ARHGEF4: variants seen among roughly 807,000 people sequenced by gnomAD.
ARHGEF4 encodes the protein Rho guanine nucleotide exchange factor 4, also known as APC-stimulated guanine nucleotide exchange factor 1.
A neutral mutation model predicts 162.0 loss-of-function variants in ARHGEF4; 119 were observed. The ratio of observed to expected loss-of-function variants is 0.73; its 90% confidence interval spans 0.63 to 0.86. The LOEUF (loss-of-function observed/expected upper bound fraction) is 0.86, where lower values mean the gene tolerates loss of function less well. Ranked by LOEUF, ARHGEF4 falls within the 40% of genes least tolerant of loss-of-function variation. The pLI is 0.00. For missense variants in ARHGEF4, 2,488 were observed against 2,456.0 expected (o/e 1.01, Z -0.28); for synonymous variants, 1,014 against 979.9 (o/e 1.03, Z -0.65).
At chr2:131,043,168 A>T (rs1690952115) in intron 10 of ARHGEF4, among the ~76,000 whole-genome samples, 1 of 152,214 alleles carries the variant, frequency 6.6e-6, no homozygotes, top group Non-Finnish European at 1.5e-5. Flanking sequence ...CAAAATCAAT[A>T]TGTATCTTAC....
intron 1 of ARHGEF4, among the ~76,000 whole-genome samples, chr2:130,898,271 C>T (rs978286859): frequency 2.0e-5 from 3 of 152,156 alleles, no homozygotes; most frequent in Non-Finnish European, 2.9e-5. Context: ...GACAATGTGC[C>T]GGGCACCGCT....
At chr2:130,935,903 C>G (rs1470601095) in intron 3 of ARHGEF4, among the ~76,000 whole-genome samples, 1 of 152,124 alleles carries the variant, frequency 6.6e-6, no homozygotes. Context: ...CCAGTCTCTA[C>G]TAAAATACAA....
At chr2:130,988,340 A>C (rs796200791) in intron 4 of ARHGEF4, among the ~76,000 whole-genome samples, 61 of 152,336 alleles carry the variant, frequency 4.0e-4, no homozygotes, top group African/African-American at 1.4e-3. Flanking sequence ...TGCATCCCAG[A>C]AAGTGTCTGC....
chr2:130,841,376 T>C (rs1052497736), intron 1 of ARHGEF4, among the ~76,000 whole-genome samples: 75 of 151,928 alleles, frequency 4.9e-4, no homozygotes, highest in African/African-American at 1.6e-3. Flanking sequence ...GAAAGCTTTT[T>C]TTTTTTTTTT....
chr2:130,917,887 A>G (rs1574226311), intron 2 of ARHGEF4, among the ~76,000 whole-genome samples: 2 of 137,866 alleles, frequency 1.5e-5, no homozygotes, highest in African/African-American at 5.5e-5. Flanking sequence ...CAGTCGCTCC[A>G]TCTCGGCTCA....
intron 1 of ARHGEF4, among the ~76,000 whole-genome samples, chr2:130,875,571 T>C (rs1678774515): frequency 6.6e-6 from 1 of 152,126 alleles, no homozygotes; most frequent in Non-Finnish European, 1.5e-5. Context: ...TGGCAACTAA[T>C]TCAGTCCTGC....
intron 1 of ARHGEF4, among the ~76,000 whole-genome samples, chr2:130,841,364 T>TAGAA (rs1199134641): frequency 6.7e-6 from 1 of 148,322 alleles, no homozygotes; most frequent in Non-Finnish European, 1.5e-5. Flanking sequence ...GCGCCAGGCC[T>TAGAA]AGAAAGCTTT....
chr2:130,999,436 A>ATG (rs1558831170), intron 4 of ARHGEF4, among the ~76,000 whole-genome samples: 2 of 152,086 alleles, frequency 1.3e-5, no homozygotes, highest in South Asian at 2.1e-4. Context: ...GATTACAGGC[A>ATG]TGAGCCACTG....
In ARHGEF4 at chr2:130,837,604, C is replaced by T. The variant is rs1163321293; in HGVS notation, c.39+612C>T. ...CGGGACCCACTCAGTTGGGACGCCT[C>T]CACCTCGCTGCCCCCACAGGAACCC... On this transcript the variant is annotated intron_variant, in intron 1 of 13. Coordinates refer to ENST00000409359, the MANE Select transcript of ARHGEF4 (RefSeq NM_001367493.1). 8.9e-6 allele frequency: 4 copies of T among 451,686 alleles called. No homozygotes were observed. The Admixed American group carries it at 9.4e-5, about 11-fold the overall frequency. The allele number at this position is 451,686 out of a possible 1,614,324, so 28.0% of individuals were successfully genotyped here.
chr2:130,922,373 A>G (rs11685644), intron 2 of ARHGEF4, among the ~76,000 whole-genome samples: 12,034 of 148,792 alleles, frequency 0.081, 548 homozygotes, highest in Non-Finnish European at 0.11. Context: ...CTCTGTCTCA[A>G]AAAAAAAAAA....
intron 4 of ARHGEF4, among the ~76,000 whole-genome samples, chr2:130,961,561 G>T (rs1386018240): frequency 6.6e-6 from 1 of 152,162 alleles, no homozygotes; most frequent in South Asian, 2.1e-4. Flanking sequence ...CAGGTCTTAC[G>T]AAGTGTGAAG....
chr2:130,925,048 G>A (rs1284591249), intron 2 of ARHGEF4, among the ~76,000 whole-genome samples: 1 of 94,546 alleles, frequency 1.1e-5, no homozygotes, highest in African/African-American at 5.1e-5. Flanking sequence ...GTGTGTGTGT[G>A]TGTGTGTGTG....
At chr2:130,970,763 T>C (rs1484655010) in intron 4 of ARHGEF4, among the ~76,000 whole-genome samples, 1 of 152,180 alleles carries the variant, frequency 6.6e-6, no homozygotes, top group Non-Finnish European at 1.5e-5. Context: ...TATTGGATTG[T>C]TTGTTTTCTT....
At chr2:130,906,914 A>G (rs908304926) in intron 1 of ARHGEF4, among the ~76,000 whole-genome samples, 2 of 152,140 alleles carry the variant, frequency 1.3e-5, no homozygotes, top group Non-Finnish European at 1.5e-5. Flanking sequence ...GTATAGAGTA[A>G]AATGTACTCC....
intron 4 of ARHGEF4, among the ~76,000 whole-genome samples, chr2:131,021,653 T>C (rs570810352): frequency 3.9e-5 from 6 of 152,126 alleles, no homozygotes; most frequent in Non-Finnish European, 7.4e-5. Flanking sequence ...ACTAAAGAGC[T>C]TCTTTATTTC....
chr2:131,007,276 A>C (rs1195239342), intron 4 of ARHGEF4, among the ~76,000 whole-genome samples: 3 of 152,298 alleles, frequency 2.0e-5, no homozygotes, highest in Admixed American at 6.5e-5. Flanking sequence ...GGAGTCAGCC[A>C]GTGCTTAAGG....
chr2:130,839,930 G>A (rs1196289096), intron 1 of ARHGEF4, among the ~76,000 whole-genome samples: 1 of 152,154 alleles, frequency 6.6e-6, no homozygotes, highest in Admixed American at 6.5e-5. Flanking sequence ...AGACCTATTA[G>A]TGTGCAGAAG....
At chr2:131,039,872 G>A (rs894021425) in intron 6 of ARHGEF4, 144 bp from the exon 7 acceptor site, 1 of 1,428,754 alleles carries the variant, frequency 7.0e-7, no homozygotes, top group African/African-American at 1.5e-5. Flanking sequence ...TGGCGTGGTG[G>A]GGGGAGCTGG....
At chr2:130,854,022 T>G (rs192149390) in intron 1 of ARHGEF4, among the ~76,000 whole-genome samples, 80 of 152,330 alleles carry the variant, frequency 5.3e-4, no homozygotes, top group African/African-American at 1.8e-3. Flanking sequence ...TGTCCTGCCC[T>G]GCTCACCTCA....
Sources: gnomAD v4.1 joint callset for allele counts (sites outside exome capture counted in the v4.1 genomes callset) on GRCh38, gnomAD v4.1.1 for gene constraint, MANE v1.5 for transcripts, NCBI Gene and HGNC (gene_info 2026-07-23, HGNC 2026-07-21) for gene names.